C3: variants seen among roughly 807,000 people sequenced by gnomAD.
C3 encodes complement C3, also known as C3 and PZP-like alpha-2-macroglobulin domain-containing protein 1.
A neutral mutation model predicts 207.9 loss-of-function variants in C3; 97 were observed. The ratio of observed to expected loss-of-function variants is 0.47; its 90% CI spans 0.40 to 0.55. C3 has a LOEUF of 0.55. Among genes scored for constraint, C3 ranks in the 20% least tolerant of loss-of-function variants. The pLI is 0.00. For missense variants in C3, 1,684 were observed against 2,171.7 expected, an observed-to-expected ratio of 0.78 and a Z score of 4.46; for synonymous variants, 848 against 857.6, an observed-to-expected ratio of 0.99 and a Z score of 0.20.
At chr19:6,693,536 G>A (rs1433640830) in intron 24 of C3, 49 bp from the exon 25 acceptor site, 12 of 1,556,130 alleles carry the variant, frequency 7.7e-6, no homozygotes, top group East Asian at 2.3e-5. Context: ...CTGAGCAGAG[G>A]GGGCACGCCA....
At position 6,709,707 on chromosome 19, in the gene C3, T is replaced by G. The variant is rs1433630437; in HGVS notation, c.1822A>C (p.Lys608Gln). The G allele has an allele frequency of 6.2e-7, 1 of 1,613,686 alleles. No individual in the cohort carries two copies. The change falls in exon 14 of 41, where the codon AAG becomes CAG. Residue 608 changes from lysine to glutamine, a missense_variant. Lys to Gln is a moderately conservative substitution (Grantham distance 53). Transcript: ENST00000245907. ...VDKGVFVLNK[K>Q]NKLTQSKIWD... ...ACCTTACTCTGCGTCAGTTTGTTCT[T>G]CTTATTCAGCACGAACACGCCCTTG...
intron 38 of C3, 79 bp from the exon 39 acceptor site, chr19:6,678,534 G>A: frequency 6.1e-6 from 7 of 1,150,172 alleles, no homozygotes; most frequent in South Asian, 3.8e-5. Context: ...GTGCACCCGG[G>A]CATGTGGCTC....
At chr19:6,679,247 C>T in intron 37 of C3, 39 bp from the exon 38 acceptor site, 2 of 1,570,230 alleles carry the variant, frequency 1.3e-6, no homozygotes, top group Non-Finnish European at 1.8e-6. Flanking sequence ...AGTCCCACTC[C>T]TTATCTGGGG....
rs769653063 is a variant in C3 at position 6,718,081 on chromosome 19, C to T, written c.504+13G>A. 12 of 1,614,052 alleles carry T rather than the reference C, an allele frequency of 7.4e-6. No individual in the cohort carries two copies. Among genetic ancestry groups the T allele is most frequent in the Non-Finnish European group, 1.0e-5 (12 of 1,179,934 alleles). ...GTGCCCCTGCTTCCCCTGGGGCCCC[C>T]TCTGGCTGGCACCTCAATGTTGACC... On this transcript the variant is annotated intron_variant, in intron 4 of 40. Coordinates refer to ENST00000245907, the MANE Select transcript of C3 (RefSeq NM_000064.4).
At chr19:6,685,196 G>C in intron 29 of C3, 50 bp from the exon 30 acceptor site, 1 of 1,567,042 alleles carries the variant, frequency 6.4e-7, no homozygotes, top group Non-Finnish European at 8.8e-7. Flanking sequence ...TGGGAAAGTG[G>C]CTAGAATCCA....
chr19:6,716,693 A>C (rs1004024509), intron 4 of C3: 2 of 152,250 alleles, frequency 1.3e-5, no homozygotes, highest in Admixed American at 1.3e-4. Context: ...CTCAACAAAC[A>C]TAACAATTCC....
chr19:6,690,017 GCAGA>G (rs2145403638), intron 27 of C3, among the ~76,000 whole-genome samples: 1 of 152,138 alleles, frequency 6.6e-6, no homozygotes, highest in South Asian at 2.1e-4. Context: ...CCACAATAAA[GCAGA>G]CAAAGGCATT....
In C3 at chr19:6,710,648, G is replaced by A. The variant is rs759423157; in HGVS notation, c.1677C>T (p.Cys559=). The A allele has an allele frequency of 2.4e-5, 38 of 1,612,696 alleles. 1 individual carries two copies. Among genetic ancestry groups the A allele is most frequent in the Non-Finnish European group, 2.6e-5 (31 of 1,179,620 alleles). Residue 559 remains cysteine (C), a synonymous_variant, in exon 13 of 41, where the codon TGC becomes TGT. Coordinates refer to ENST00000245907, the MANE Select transcript of C3 (RefSeq NM_000064.4). ...CCCAGGGCACACTTACCGAGCCCAC[G>A]CAGGAGTCCTTGACGTCCACCCACA... ...DSVWVDVKDS[C]VGSLVVKSGQ... is the part of the protein sequence containing the mutation.
At chr19:6,693,551 G>A in intron 24 of C3, 64 bp from the exon 25 acceptor site, 1 of 1,453,890 alleles carries the variant, frequency 6.9e-7, no homozygotes, top group Non-Finnish European at 9.4e-7. Flanking sequence ...ACGCCAGAAA[G>A]GGCAGGGGCG....
intron 35 of C3, among the ~76,000 whole-genome samples, chr19:6,680,984 A>G (rs1263278042): frequency 6.6e-6 from 1 of 152,120 alleles, no homozygotes; most frequent in Non-Finnish European, 1.5e-5. Flanking sequence ...AGATCGCTTG[A>G]GGCCAGTAGT....
At chr19:6,684,103 A>C in intron 33 of C3, 1 of 439,152 alleles carries the variant, frequency 2.3e-6, no homozygotes, top group South Asian at 2.1e-5. Context: ...TATCTCTCTA[A>C]AAAGAAAAAA....
At position 6,719,439 on chromosome 19, in the gene C3, C is replaced by G; in HGVS notation, c.75-36G>C. On this transcript the variant is annotated intron_variant, in intron 1 of 40. Coordinates refer to ENST00000245907, the MANE Select transcript of C3 (RefSeq NM_000064.4). The surrounding 1 kb of genome is among the most constrained non-coding windows in gnomAD (Gnocchi z 5.4). ...GGGGCACGGGAGTGGGCTTGTCATT[C>G]CACGGATGTGAGACGCCAGTCCTCA... The G allele has an allele frequency of 6.3e-7, 1 of 1,593,532 alleles. No homozygotes were observed. The highest frequency in any genetic ancestry group is 8.6e-7 in the Non-Finnish European group (1 of 1,162,204).
At chr19:6,691,074 G>GTTTTTA (rs1918154939) in intron 26 of C3, among the ~76,000 whole-genome samples, 3 of 137,242 alleles carry the variant, frequency 2.2e-5, no homozygotes, top group African/African-American at 5.5e-5. Flanking sequence ...TTTTTTTTTG[G>GTTTTTA]GACAGTTTTG....
Position 6,694,516 on chromosome 19 carries a change from G to T in C3, c.3069C>A (p.Ile1023=), listed in dbSNP as rs201806880. The part of the protein sequence containing the change: ...QNMIGMTPTV[I]AVHYLDETEQ... ...CCGTTTCATCCAGGTAATGCACAGC[G>T]ATGACCGTGGGCGTCATGCCGATCA... is the stretch of plus-strand genomic sequence containing the variant. The change falls in exon 24 of 41, where the codon ATC becomes ATA. Residue 1023 remains isoleucine, a synonymous_variant. Transcript: ENST00000245907. 2 of 1,614,148 alleles carry T rather than the reference G, an allele frequency of 1.2e-6. No individual in the cohort carries two copies. Among genetic ancestry groups the T allele is most frequent in the South Asian group, 2.2e-5 (2 of 91,084 alleles).
intron 16 of C3, 55 bp downstream of exon 16, chr19:6,707,411 C>T (rs1307649886): frequency 6.2e-7 from 1 of 1,606,176 alleles, no homozygotes; most frequent in Non-Finnish European, 8.5e-7. Flanking sequence ...CACGGCCGGG[C>T]TGGGGTCTCC....
At chr19:6,704,123 A>G (rs2145419238) in intron 17 of C3, among the ~76,000 whole-genome samples, 1 of 151,906 alleles carries the variant, frequency 6.6e-6, no homozygotes, top group East Asian at 2.0e-4. Context: ...ACAAATAATA[A>G]TTTAAAAATT....
At chr19:6,682,378 C>T (rs1017075046) in intron 33 of C3, 149 bp from the exon 34 acceptor site, 22 of 690,488 alleles carry the variant, frequency 3.2e-5, no homozygotes, top group Admixed American at 3.2e-4. Context: ...GGAAACATTT[C>T]CCCAAAGGAA....
At chr19:6,704,605 A>G (rs1474666738) in intron 17 of C3, among the ~76,000 whole-genome samples, 2 of 152,112 alleles carry the variant, frequency 1.3e-5, no homozygotes, top group Non-Finnish European at 2.9e-5. Flanking sequence ...CTAAAAATAC[A>G]AAAATTAGCT....
chr19:6,699,779 T>C (rs1205551992), intron 19 of C3, among the ~76,000 whole-genome samples: 1 of 152,024 alleles, frequency 6.6e-6, no homozygotes, highest in Non-Finnish European at 1.5e-5. Context: ...TACTAGTAGA[T>C]TATTATCAAA....
Sources: gnomAD v4.1 joint callset for allele counts (sites outside exome capture counted in the v4.1 genomes callset) on GRCh38, gnomAD v4.1.1 for gene constraint, Gnocchi (gnomAD v3.1) non-coding constraint, MANE v1.5 for transcripts, NCBI Gene and HGNC (gene_info 2026-07-23, HGNC 2026-07-21) for gene names.